Variants in MFSD8 observed in about 807,000 individuals in gnomAD.
MFSD8 encodes the protein major facilitator superfamily domain containing 8.
Under a neutral mutation model 66.4 loss-of-function variants are expected in MFSD8, and 55 were observed. That is an observed-to-expected ratio of 0.83 (90% CI 0.67 to 1.04). MFSD8 has a LOEUF of 1.04. Ranked by LOEUF, MFSD8 falls within the 50% of genes least tolerant of loss-of-function variation. The probability of loss-of-function intolerance (pLI) is 0.00; values close to 1 mark genes in which losing one functional copy is unlikely to be tolerated. For synonymous variants in MFSD8, 202 were observed against 212.8 expected, an observed-to-expected ratio of 0.95 and a Z score of 0.44; for missense variants, 550 against 627.6, an observed-to-expected ratio of 0.88 and a Z score of 1.32.
At chr4:127,965,009 C>A in intron 1 of MFSD8, 63 bp downstream of exon 1, 1 of 1,582,132 alleles carries the variant, frequency 6.3e-7, no homozygotes, top group East Asian at 2.3e-5. Context: ...GGGTGACGCC[C>A]GGAAAGGAAC....
intron 5 of MFSD8, 75 bp from the exon 6 acceptor site, chr4:127,940,072 C>T: frequency 3.0e-6 from 4 of 1,328,154 alleles, no homozygotes; most frequent in Non-Finnish European, 4.3e-6. Context: ...AAGACATTTA[C>T]AACAGAATTG....
intron 1 of MFSD8, 138 bp from the exon 2 acceptor site, chr4:127,957,730 T>A (rs1303452445): frequency 3.1e-6 from 2 of 638,106 alleles, no homozygotes; most frequent in Admixed American, 6.0e-5. Flanking sequence ...CTACACTAAT[T>A]TATCTATGAA....
At chr4:127,945,024 G>A (rs1029059095) in intron 3 of MFSD8, among the ~76,000 whole-genome samples, 2 of 152,102 alleles carry the variant, frequency 1.3e-5, no homozygotes, top group Non-Finnish European at 2.9e-5. Context: ...GGTAGGCTAA[G>A]CCAGGCGAAG....
intron 9 of MFSD8, among the ~76,000 whole-genome samples, chr4:127,924,346 C>CT (rs1482275438): frequency 1.3e-5 from 2 of 151,946 alleles, no homozygotes; most frequent in African/African-American, 2.4e-5. Context: ...TCTGTGGGAC[C>CT]AGTGGTGCCC....
At chr4:127,940,084 G>C in intron 5 of MFSD8, 87 bp from the exon 6 acceptor site, 1 of 1,244,598 alleles carries the variant, frequency 8.0e-7, no homozygotes, top group Non-Finnish European at 1.2e-6. Flanking sequence ...ACAGAATTGG[G>C]AACAATGTTA....
chr4:127,922,012 T>C, intron 9 of MFSD8, 49 bp from the exon 10 acceptor site: 3 of 1,437,630 alleles, frequency 2.1e-6, no homozygotes, highest in African/African-American at 1.4e-5. Context: ...CATTATAACA[T>C]AGCTTCATTA....
At chr4:127,955,210 C>T (rs1742644159) in intron 2 of MFSD8, among the ~76,000 whole-genome samples, 1 of 152,062 alleles carries the variant, frequency 6.6e-6, no homozygotes, top group Non-Finnish European at 1.5e-5. Flanking sequence ...TTCACAACAG[C>T]CAAGAGGTGG....
intron 8 of MFSD8, among the ~76,000 whole-genome samples, chr4:127,932,136 G>A (rs926659138): frequency 6.6e-6 from 1 of 152,008 alleles, no homozygotes; most frequent in African/African-American, 2.4e-5. Flanking sequence ...AAGTTAACAC[G>A]ATAAATTTTA....
chr4:127,930,740 G>A lies in MFSD8; in HGVS notation c.941C>T (p.Ala314Val). 4 of 1,613,534 alleles carry A rather than the reference G, an allele frequency of 2.5e-6. No individual in the cohort carries two copies. Among genetic ancestry groups the A allele is most frequent in the Non-Finnish European group, 3.4e-6 (4 of 1,179,784 alleles). The part of the protein sequence containing the change: ...QAVLYNGIIL[A>V]ALGVEAVVIF... The stretch of plus-strand genomic sequence containing the variant: ...AACAACGGCTTCAACCCCAAGAGCA[G>A]CAAGTATTATGCCATTATATAACAC... The change falls in exon 9 of 12, where the codon GCT becomes GTT. Residue 314 changes from alanine (A) to valine (V), a missense_variant. By Grantham distance (64) the Ala-to-Val change is moderately conservative. Transcript: ENST00000641686.
At position 127,939,922 on chromosome 4, in the gene MFSD8, T is replaced by C; in HGVS notation, c.629A>G (p.Tyr210Cys). ...WDVIKLQINM[Y>C]TTPVLLSAFL... ...GGCGCTAAGTAAAACTGGTGTTGTA[T>C]ACATGTTTATCTGCAGTTTAATCAC... Residue 210 changes from tyrosine to cysteine, a missense_variant, in exon 6 of 12, where the codon TAT (tyrosine) becomes TGT (cysteine). Tyr to Cys is a radical substitution (Grantham distance 194). Coordinates refer to ENST00000641686, the MANE Select transcript of MFSD8 (RefSeq NM_001371596.2). 6.2e-7 allele frequency: 1 copy of C among 1,613,560 alleles called. No individual in the cohort carries two copies.
At chr4:127,950,974 T>C (rs1439956002) in intron 2 of MFSD8, among the ~76,000 whole-genome samples, 4 of 151,162 alleles carry the variant, frequency 2.6e-5, no homozygotes, top group African/African-American at 9.7e-5. Context: ...GGCAGGAGAA[T>C]TGCTTGAACA....
chr4:127,930,764 A>G lies in MFSD8; in HGVS notation c.917T>C (p.Val306Ala), dbSNP rs200971312. 5.0e-5 allele frequency: 80 copies of G among 1,613,182 alleles called. No homozygotes were observed. Among genetic ancestry groups the G allele is most frequent in the Non-Finnish European group, 6.5e-5 (77 of 1,179,604 alleles). ...DMYAWTQEQAVLYNGIILAAL... is the reference protein window; with the variant it reads ...DMYAWTQEQAALYNGIILAAL... ...AGCAAGTATTATGCCATTATATAAC[A>G]CAGCTTGTTCTTGAGTCCAGGCATA... Residue 306 changes from valine (V) to alanine (A), a missense_variant, in exon 9 of 12, where the codon GTG becomes GCG. Val to Ala is a moderately conservative substitution (Grantham distance 64, BLOSUM62 0). Coordinates refer to ENST00000641686, the MANE Select transcript of MFSD8 (RefSeq NM_001371596.2).
chr4:127,950,614 C>T (rs997926092), intron 2 of MFSD8, among the ~76,000 whole-genome samples: 1 of 151,978 alleles, frequency 6.6e-6, no homozygotes, highest in Non-Finnish European at 1.5e-5. Flanking sequence ...TGCTTGAACC[C>T]AGGAGGCGGA....
chr4:127,957,753 T>C (rs1481868246), intron 1 of MFSD8, among the ~76,000 whole-genome samples, 161 bp from the exon 2 acceptor site: 1 of 152,234 alleles, frequency 6.6e-6, no homozygotes, highest in East Asian at 1.9e-4. Flanking sequence ...AGCATTATTT[T>C]TTTGAATTTC....
intron 4 of MFSD8, among the ~76,000 whole-genome samples, chr4:127,942,665 G>GAAAAAAAAAAAAAA (rs200813472): frequency 9.3e-6 from 1 of 107,586 alleles, no homozygotes; most frequent in Non-Finnish European, 1.9e-5. Context: ...GGGCAACAGT[G>GAAAAAAAAAAAAAA]AAAAAAAAAA....
At chr4:127,920,938 A>C in intron 11 of MFSD8, 102 bp from the exon 12 acceptor site, 2 of 1,078,902 alleles carry the variant, frequency 1.9e-6, no homozygotes, top group Non-Finnish European at 2.7e-6. Context: ...TACAAGAATC[A>C]TTTCTGCATC....
At chr4:127,941,534 C>A (rs1191693591) in intron 5 of MFSD8, among the ~76,000 whole-genome samples, 1 of 152,142 alleles carries the variant, frequency 6.6e-6, no homozygotes, top group Non-Finnish European at 1.5e-5. Context: ...GTGATCTCAG[C>A]TCACTGCAAC....
In MFSD8 at chr4:127,949,816, T is replaced by C. The variant is rs750969105; in HGVS notation, c.186A>G (p.Pro62=). The part of the protein sequence containing the change: ...GFSVVMMSIW[P]YLQKIDPTAD... ...GAAATGTACAAACCTTTTGGAGATA[T>C]GGCCATATGGACATCATCACTACAG... The change falls in exon 3 of 12, where the codon CCA becomes CCG. Residue 62 remains proline (P), a synonymous_variant. Coordinates refer to ENST00000641686, the MANE Select transcript of MFSD8 (RefSeq NM_001371596.2). 2.5e-6 allele frequency: 4 copies of C among 1,612,104 alleles called. No homozygotes were observed. In the African/African-American group the frequency reaches 5.3e-5, roughly 22 times the overall value.
chr4:127,921,320 A>T, intron 11 of MFSD8: 2 of 854,144 alleles, frequency 2.3e-6, no homozygotes, highest in Non-Finnish European at 3.6e-6. Context: ...CCACTCCTAC[A>T]ACTTCTGTAT....
Sources: gnomAD v4.1 joint callset for allele counts (sites outside exome capture counted in the v4.1 genomes callset) on GRCh38, gnomAD v4.1.1 for gene constraint, MANE v1.5 for transcripts, NCBI Gene and HGNC (gene_info 2026-07-23, HGNC 2026-07-21) for gene names.